SLX4: variants seen among roughly 807,000 people sequenced by gnomAD.
The protein encoded by SLX4 is structure-specific endonuclease subunit SLX4.
SLX4 carries 112 observed loss-of-function variants against 146.2 expected under a neutral mutation model. The observed-to-expected ratio is 0.77, with a 90% confidence interval of 0.66 to 0.90. The LOEUF (loss-of-function observed/expected upper bound fraction) is 0.90, where lower values mean the gene tolerates loss of function less well. Among genes scored for constraint, SLX4 ranks in the 40% least tolerant of loss-of-function variants. SLX4 has a pLI of 0.00. For synonymous variants in SLX4, 1,061 were observed against 997.7 expected (o/e 1.06, Z -1.20); for missense variants, 2,563 against 2,392.7 (o/e 1.07, Z -1.49).
rs191032536 is a variant in SLX4, at chr16:3,597,298, C to T, written c.1683+81G>A. On this transcript the variant is annotated intron_variant, in intron 7 of 14. Coordinates refer to ENST00000294008, the MANE Select transcript of SLX4 (RefSeq NM_032444.4). The surrounding 1 kb of genome is among the most constrained non-coding windows in gnomAD (Gnocchi z 4.4). The stretch of plus-strand genomic sequence containing the variant: ...CCTTCCTGGACTTTCCATCACCTGG[C>T]TGTGGGTACCCAGTGTTGCAGTTCT... 3.6e-4 allele frequency: 505 copies of T among 1,421,000 alleles called. 4 individuals are homozygous for T. In the African/African-American group the frequency reaches 5.8e-3, roughly 16 times the overall value. The allele number at this position is 1,421,000 out of a possible 1,614,324, so 88.0% of individuals were successfully genotyped here.
chr16:3,582,438 G>A lies in SLX4; in HGVS notation c.5409C>T (p.Thr1803=). The change falls in exon 15 of 15, where the codon ACC becomes ACT. Residue 1803 remains threonine, a synonymous_variant. Coordinates refer to ENST00000294008, the MANE Select transcript of SLX4 (RefSeq NM_032444.4). ...SSRRLLDFLD[T]HCITFTTAAT... Reference sequence around the variant, plus strand: ...CGGCAGTGGTGAAGGTGATACAGTGGGTGTCCAGGAAGTCCAACAGCCTGC... The same window carrying A: ...CGGCAGTGGTGAAGGTGATACAGTGAGTGTCCAGGAAGTCCAACAGCCTGC... The A allele has an allele frequency of 6.2e-7, 1 of 1,613,946 alleles. No individual in the cohort carries two copies.
intron 3 of SLX4, among the ~76,000 whole-genome samples, chr16:3,604,869 T>C (rs1596532019): frequency 6.7e-6 from 1 of 150,238 alleles, no homozygotes; most frequent in Admixed American, 6.6e-5. Context: ...AATGGCCAAA[T>C]GTTAACATTT....
intron 12 of SLX4, among the ~76,000 whole-genome samples, chr16:3,586,695 G>T (rs974625086): frequency 6.6e-6 from 1 of 151,992 alleles, no homozygotes; most frequent in Non-Finnish European, 1.5e-5. Context: ...ATGGGCGCTT[G>T]TAATCCCAGC....
intron 10 of SLX4, among the ~76,000 whole-genome samples, chr16:3,594,189 AGAAC>A (rs1190109857): frequency 6.6e-6 from 1 of 152,160 alleles, no homozygotes; most frequent in Admixed American, 6.6e-5. Context: ...TTCATTCAAC[AGAAC>A]GAAAACACTG....
chr16:3,589,289 C>G lies in SLX4; in HGVS notation c.4349G>C (p.Ser1450Thr), dbSNP rs2151121484. 6.3e-7 allele frequency: 1 copy of G among 1,589,672 alleles called. No homozygotes were observed. Among genetic ancestry groups the G allele is most frequent in the Non-Finnish European group, 8.6e-7 (1 of 1,166,598 alleles). Residue 1450 changes from serine (S) to threonine (T), a missense_variant, in exon 12 of 15, where the codon AGC becomes ACC. Coordinates refer to ENST00000294008, the MANE Select transcript of SLX4 (RefSeq NM_032444.4). This position sits in a 1 kb window ranked among gnomAD's most constrained non-coding sequence, Gnocchi z 6.2. ...CATCCTGCGGCTGGGGCTGCTGGTG[C>G]TCAGGGGGCCGGTCCGCTCCAGGTT... ...HWNLERTGPLSTSSPSRRMNE... is the reference protein window; with the variant it reads ...HWNLERTGPLTTSSPSRRMNE...
At position 3,606,525 on chromosome 16, in the gene SLX4, G is replaced by T. The variant is rs199912910; in HGVS notation, c.709C>A (p.Arg237=). 3 of 1,614,136 alleles carry T rather than the reference G, an allele frequency of 1.9e-6. No individual in the cohort carries two copies. Among genetic ancestry groups the T allele is most frequent in the Middle Eastern group, 1.6e-4 (1 of 6,062 alleles). The change falls in exon 3 of 15, where the codon CGG becomes AGG. Residue 237 remains arginine (R), a synonymous_variant. Coordinates refer to ENST00000294008, the MANE Select transcript of SLX4 (RefSeq NM_032444.4). The stretch of plus-strand genomic sequence containing the variant: ...GGATCCTTTGGGACATTTTCTTCCC[G>T]CGCAGCCTCGAGGGAGCACTCTTCT... ...ASEECSLEAA[R]EENVPKDPQE...
chr16:3,606,701 G>A lies in SLX4; in HGVS notation c.536-3C>T, dbSNP rs1391826969. 3.1e-6 allele frequency: 5 copies of A among 1,613,886 alleles called. No homozygotes were observed. In the Admixed American group the frequency reaches 6.7e-5, roughly 22 times the overall value. On this transcript the variant is annotated splice_polypyrimidine_tract_variant and splice_region_variant and intron_variant, in intron 2 of 14. Coordinates refer to ENST00000294008, the MANE Select transcript of SLX4 (RefSeq NM_032444.4). ...GGAGTCGCTGTTGGGCACATTCTCT[G>A]GCAAGGAGGAAAATATTCACAACCA...
At chr16:3,607,889 G>T (rs1294238803) in intron 2 of SLX4, among the ~76,000 whole-genome samples, 4 of 152,168 alleles carry the variant, frequency 2.6e-5, no homozygotes, top group Admixed American at 1.3e-4. Context: ...AACAAGAGAA[G>T]CAGCATTATT....
intron 4 of SLX4, 159 bp from the exon 5 acceptor site, chr16:3,601,350 C>T (rs938539505): frequency 1.4e-6 from 1 of 716,896 alleles, no homozygotes; most frequent in African/African-American, 1.8e-5. Flanking sequence ...CAGTCAGCCC[C>T]TAGACACTAC....
intron 14 of SLX4, 26 bp from the exon 15 acceptor site, chr16:3,582,719 G>A: frequency 6.3e-7 from 1 of 1,590,184 alleles, no homozygotes; most frequent in Non-Finnish European, 8.6e-7. Context: ...CCAGGACGTT[G>A]TGCAACCCCT....
rs200262630 is a variant in SLX4 at position 3,582,624 on chromosome 16, A to C, written c.5223T>G (p.Ser1741Arg). The change falls in exon 15 of 15, where the codon AGT becomes AGG. Residue 1741 changes from serine (S) to arginine (R), a missense_variant. Ser to Arg is a moderately radical substitution (Grantham distance 110). Transcript: ENST00000294008. ...CCGCCTGCACGGCTGCCTGCGAGGC[A>C]CTGACCTCCCCCTCGCCCTCCTCTT... Reference protein sequence around the residue: ...AGEEEGEGEVSASQAAVQAAD... With the variant: ...AGEEEGEGEVRASQAAVQAAD... 3.7e-6 allele frequency: 6 copies of C among 1,613,464 alleles called. No individual in the cohort carries two copies. Among genetic ancestry groups the C allele is most frequent in the Non-Finnish European group, 5.1e-6 (6 of 1,180,038 alleles).
rs778690592 is a variant in SLX4 at position 3,582,655 on chromosome 16, G to A, written c.5192C>T (p.Ala1731Val). The change falls in exon 15 of 15, where the codon GCA becomes GTA. Residue 1731 changes from alanine (A) to valine (V), a missense_variant. Physicochemically the swap from Ala to Val is moderately conservative, Grantham distance 64. Transcript: ENST00000294008. ...CTCCCCCTCGCCCTCCTCTTCACCTGCAGACTCAAATGCCGCTCCAAACTC... is the reference window on the plus strand; with the variant it reads ...CTCCCCCTCGCCCTCCTCTTCACCTACAGACTCAAATGCCGCTCCAAACTC... ...SCEFGAAFESAGEEEGEGEVS... is the reference protein window; with the variant it reads ...SCEFGAAFESVGEEEGEGEVS... 5.0e-6 allele frequency: 8 copies of A among 1,613,148 alleles called. No individual in the cohort carries two copies. In the South Asian group the frequency reaches 8.8e-5, roughly 18 times the overall value.
chr16:3,600,306 T>G (rs1161154941), intron 5 of SLX4, among the ~76,000 whole-genome samples: 1 of 152,146 alleles, frequency 6.6e-6, no homozygotes, highest in East Asian at 1.9e-4. Context: ...GTGGCCAGGT[T>G]CCTAACAGGC....
chr16:3,600,098 G>A (rs2040709474), intron 5 of SLX4, among the ~76,000 whole-genome samples: 1 of 152,188 alleles, frequency 6.6e-6, no homozygotes. Flanking sequence ...CAGGAGTAGG[G>A]GAATGGTTTC....
chr16:3,606,503 T>A lies in SLX4; in HGVS notation c.731A>T (p.Asp244Val). 6.2e-7 allele frequency: 1 copy of A among 1,614,214 alleles called. No homozygotes were observed. The highest frequency in any genetic ancestry group is 8.5e-7 in the Non-Finnish European group (1 of 1,180,044). ...CCCCGCCATCATCTCCTCTTGAGGA[T>A]CCTTTGGGACATTTTCTTCCCGCGC... Reference protein sequence around the residue: ...EAAREENVPKDPQEEMMAGNV... With the variant: ...EAAREENVPKVPQEEMMAGNV... The change falls in exon 3 of 15, where the codon GAT becomes GTT. Residue 244 changes from aspartate to valine, a missense_variant. By Grantham distance (152) the Asp-to-Val change is radical. Transcript: ENST00000294008.
intron 12 of SLX4, among the ~76,000 whole-genome samples, chr16:3,586,134 C>T (rs572512876): frequency 2.0e-3 from 304 of 152,274 alleles, no homozygotes; most frequent in Non-Finnish European, 3.4e-3. Context: ...CCCAGCAATT[C>T]CACTCCTAAG....
Position 3,590,157 on chromosome 16 carries a change from G to A in SLX4, c.3481C>T (p.Leu1161=), listed in dbSNP as rs371122297. The change falls in exon 12 of 15, where the codon CTG becomes TTG. Residue 1161 remains leucine, a synonymous_variant. Transcript: ENST00000294008. The surrounding 1 kb of genome is among the most constrained non-coding windows in gnomAD (Gnocchi z 4.8). ...TTCATTTTGGTTTGTTCTAGCTCCAGCTCCTCATCCGAGTCCAGTAAGAGG... is the reference window on the plus strand; with the variant it reads ...TTCATTTTGGTTTGTTCTAGCTCCAACTCCTCATCCGAGTCCAGTAAGAGG... The part of the protein sequence containing the change: ...VILLLDSDEE[L]ELEQTKMKSI... The A allele has an allele frequency of 2.0e-5, 32 of 1,614,058 alleles. No individual in the cohort carries two copies. Among genetic ancestry groups the A allele is most frequent in the Non-Finnish European group, 2.4e-5 (28 of 1,180,050 alleles).
In SLX4 at chr16:3,608,859, C is replaced by A; in HGVS notation, c.106G>T (p.Glu36Ter). 1 of 1,614,152 alleles carries A rather than the reference C, an allele frequency of 6.2e-7. No individual in the cohort carries two copies. Among genetic ancestry groups the A allele is most frequent in the South Asian group, 1.1e-5 (1 of 91,076 alleles). ...ATCATCTGACCAGTTTTAAGGCTTTCAGGCTGGTCTTCAGAGGAGCGAGGG... is the reference window on the plus strand; with the variant it reads ...ATCATCTGACCAGTTTTAAGGCTTTAAGGCTGGTCTTCAGAGGAGCGAGGG... ...IDPRSSEDQPESLKTGQMMDE... is the reference protein window; with the variant it reads ...IDPRSSEDQP Residue 36 changes from glutamate (E) to a stop codon, truncating the protein, a stop_gained, in exon 2 of 15, where the codon GAA (glutamate) becomes TAA (stop). Coordinates refer to ENST00000294008, the MANE Select transcript of SLX4 (RefSeq NM_032444.4). LOFTEE classifies it high-confidence loss of function.
In SLX4 at chr16:3,597,954, G is replaced by C. The variant is rs544626064; in HGVS notation, c.1209C>G (p.Ser403Arg). Reference protein sequence around the residue: ...SRGLKRRGPTSKKEPRKRRKV... With the variant: ...SRGLKRRGPTRKKEPRKRRKV... Reference sequence around the variant, plus strand: ...TCCGCCTCTTCCGTGGCTCCTTCTTGCTGGTGGGTCCTCTCCGTTTCAGAC... The same window carrying C: ...TCCGCCTCTTCCGTGGCTCCTTCTTCCTGGTGGGTCCTCTCCGTTTCAGAC... The change falls in exon 6 of 15, where the codon AGC (serine) becomes AGG (arginine). Residue 403 changes from serine (S) to arginine (R), a missense_variant. Ser to Arg is a moderately radical substitution (Grantham distance 110, BLOSUM62 -1). Transcript: ENST00000294008. This position sits in a 1 kb window ranked among gnomAD's most constrained non-coding sequence, Gnocchi z 4.4. 1.2e-6 allele frequency: 2 copies of C among 1,614,132 alleles called. No individual in the cohort carries two copies. Among genetic ancestry groups the C allele is most frequent in the East Asian group, 4.5e-5 (2 of 44,874 alleles).
Sources: allele counts gnomAD v4.1 joint callset (sites outside exome capture counted in the v4.1 genomes callset), GRCh38; gene constraint gnomAD v4.1.1; non-coding constraint Gnocchi (gnomAD v3.1); transcripts MANE v1.5; gene names NCBI Gene and HGNC (gene_info 2026-07-23, HGNC 2026-07-21).